KIAA0753: variants seen among roughly 807,000 people sequenced by gnomAD.
The protein encoded by KIAA0753 is protein moonraker.
Under a neutral mutation model 116.9 loss-of-function variants are expected in KIAA0753, and 114 were observed. The observed-to-expected ratio is 0.98, with a 90% CI of 0.84 to 1.14. The LOEUF (loss-of-function observed/expected upper bound fraction) is 1.14, where lower values mean the gene tolerates loss of function less well. KIAA0753 is among the 50% of genes most tolerant of loss of function. The pLI is 0.00. For synonymous variants in KIAA0753, 405 were observed against 413.1 expected (o/e 0.98, Z 0.24); for missense variants, 1,156 against 1,172.4 (o/e 0.99, Z 0.20).
chr17:6,630,488 A>C (rs1971959727), intron 2 of KIAA0753, among the ~76,000 whole-genome samples: 1 of 152,094 alleles, frequency 6.6e-6, no homozygotes, highest in Non-Finnish European at 1.5e-5. Flanking sequence ...TTAGCACAGG[A>C]AAGAAAGAAA....
chr17:6,618,631 A>G (rs986762247), intron 7 of KIAA0753, among the ~76,000 whole-genome samples: 2 of 152,342 alleles, frequency 1.3e-5, no homozygotes, highest in South Asian at 2.1e-4. Flanking sequence ...CTTACGTAGG[A>G]AAAACAGTTT....
chr17:6,602,399 T>G (rs932005992), intron 12 of KIAA0753, among the ~76,000 whole-genome samples: 6 of 152,220 alleles, frequency 3.9e-5, no homozygotes, highest in African/African-American at 1.4e-4. Flanking sequence ...ACAAACAGAA[T>G]GTGGTATATT....
chr17:6,621,058 C>T, intron 6 of KIAA0753, 60 bp from the exon 7 acceptor site: 2 of 1,514,318 alleles, frequency 1.3e-6, no homozygotes, highest in Non-Finnish European at 9.0e-7. Flanking sequence ...GACTTTTAAT[C>T]ACAAAACTGA....
In KIAA0753 at chr17:6,608,364, C is replaced by A; in HGVS notation, c.1813G>T (p.Glu605Ter). Residue 605 changes from glutamate to a stop codon, truncating the protein, a stop_gained, in exon 10 of 19, where the codon GAG becomes TAG. Transcript: ENST00000361413. LOFTEE classifies it high-confidence loss of function. ...AGCACAAACCTGGCTGCTTCATGCT[C>A]AACAGCACCTGTCAGGTGACTTTCC... The part of the protein sequence containing the change: ...QEESHLTGAV[E>*]HEAARLAWLD... The A allele has an allele frequency of 6.6e-7, 1 of 1,523,720 alleles. No individual in the cohort carries two copies. The highest frequency in any genetic ancestry group is 1.3e-5 in the South Asian group (1 of 79,366). 94.4% of individuals were successfully genotyped at this position (1,523,720 alleles called of 1,614,324 possible).
intron 3 of KIAA0753, among the ~76,000 whole-genome samples, chr17:6,626,012 T>C (rs530327568): frequency 6.6e-6 from 1 of 152,344 alleles, no homozygotes; most frequent in Admixed American, 6.5e-5. Context: ...TTAATCTTGA[T>C]TTCAAAAGAC....
chr17:6,606,428 C>T (rs1386402056), intron 12 of KIAA0753, among the ~76,000 whole-genome samples: 12 of 152,200 alleles, frequency 7.9e-5, no homozygotes, highest in Non-Finnish European at 1.8e-4. Flanking sequence ...TTAAAAAACA[C>T]TTATGGAGTG....
chr17:6,592,322 C>G (rs568542789), intron 16 of KIAA0753, among the ~76,000 whole-genome samples: 114 of 152,288 alleles, frequency 7.5e-4, no homozygotes, highest in African/African-American at 2.4e-3. Flanking sequence ...GCGACACAGG[C>G]TGCTGTGGTA....
At chr17:6,628,766 C>G (rs1333950769) in intron 2 of KIAA0753, 25 bp from the exon 3 acceptor site, 3 of 1,551,164 alleles carry the variant, frequency 1.9e-6, no homozygotes, top group Non-Finnish European at 2.6e-6. Flanking sequence ...TAAAAGTAAG[C>G]AGACATCAGA....
At chr17:6,605,758 C>T (rs1597511892) in intron 12 of KIAA0753, among the ~76,000 whole-genome samples, 1 of 152,118 alleles carries the variant, frequency 6.6e-6, no homozygotes, top group South Asian at 2.1e-4. Flanking sequence ...GAAACTTCTG[C>T]AGCAGTGGCA....
intron 7 of KIAA0753, among the ~76,000 whole-genome samples, chr17:6,620,438 A>G (rs978304309): frequency 1.0e-4 from 15 of 150,638 alleles, no homozygotes; most frequent in Admixed American, 3.3e-4. Flanking sequence ...ATATATACAC[A>G]TATATATATA....
intron 3 of KIAA0753, among the ~76,000 whole-genome samples, chr17:6,626,689 G>A (rs924988480): frequency 1.3e-5 from 2 of 152,194 alleles, no homozygotes; most frequent in Non-Finnish European, 2.9e-5. Flanking sequence ...TGAAAGGTAA[G>A]TACAGAAATT....
rs1462063836 is a variant in KIAA0753 at position 6,589,790 on chromosome 17, C to A, written c.2775G>T (p.Leu925=). ...HEAVGSFNPW[L]IAESFSEELV... is the part of the protein sequence containing the mutation. ...AACATTTTACTGACCTTTCAGCTAT[C>A]AGCCACGGGTTGAAGGAGCCTACAG... Residue 925 remains leucine (L), a synonymous_variant, in exon 18 of 19, where the codon CTG becomes CTT. Transcript: ENST00000361413. 4.4e-6 allele frequency: 7 copies of A among 1,600,922 alleles called. No homozygotes were observed. Among genetic ancestry groups the A allele is most frequent in the Non-Finnish European group, 5.9e-6 (7 of 1,176,686 alleles).
chr17:6,635,494 A>G (rs541803826), intron 1 of KIAA0753: 2 of 162,068 alleles, frequency 1.2e-5, no homozygotes, highest in East Asian at 3.6e-4. Flanking sequence ...GAGCTTTGCC[A>G]TGGTAAACTA....
chr17:6,590,807 T>C (rs961392810), intron 16 of KIAA0753, among the ~76,000 whole-genome samples, 177 bp from the exon 17 acceptor site: 2 of 152,132 alleles, frequency 1.3e-5, no homozygotes, highest in Admixed American at 6.5e-5. Flanking sequence ...TGAATTTATA[T>C]GTTACAAAGA....
At chr17:6,623,867 G>C (rs994118928) in intron 4 of KIAA0753, 1 of 274,726 alleles carries the variant, frequency 3.6e-6, no homozygotes, top group Admixed American at 5.2e-5. Context: ...GCCGGATCGT[G>C]AAGTCTTACA....
At chr17:6,582,988 CT>C (rs2150723101) in intron 18 of KIAA0753, among the ~76,000 whole-genome samples, 1 of 152,286 alleles carries the variant, frequency 6.6e-6, no homozygotes, top group East Asian at 1.9e-4. Flanking sequence ...CCAATATTCA[CT>C]TTAACCTACC....
chr17:6,623,176 T>C, intron 5 of KIAA0753, 79 bp from the exon 6 acceptor site: 1 of 1,300,516 alleles, frequency 7.7e-7, no homozygotes, highest in Non-Finnish European at 1.1e-6. Context: ...AGAATATTTA[T>C]AGCCTGTCTT....
At chr17:6,606,718 A>C (rs1462759344) in intron 12 of KIAA0753, among the ~76,000 whole-genome samples, 155 bp downstream of exon 12, 1 of 152,176 alleles carries the variant, frequency 6.6e-6, no homozygotes, top group South Asian at 2.1e-4. Flanking sequence ...ATTTCCTAGC[A>C]AAAAAATATG....
chr17:6,589,945 GA>G lies in KIAA0753; in HGVS notation c.2619del (p.Leu874SerfsTer3). On this transcript the variant is annotated frameshift_variant, in exon 18 of 19. Transcript: ENST00000361413. LOFTEE classifies it high-confidence loss of function. ...TGTTGAGAATCTTCGGCTAGGGAGA[GA>G]AGAGGGGCCTCTCTTTTCTCTGATC... is the stretch of plus-strand genomic sequence containing the variant. ...EEGSEKREAP[L>X]LSLAEDSQQK... is the part of the protein sequence containing the mutation. 1 of 1,607,678 alleles carries G rather than the reference GA, an allele frequency of 6.2e-7. No individual in the cohort carries two copies.
Sources: allele counts gnomAD v4.1 joint callset (sites outside exome capture counted in the v4.1 genomes callset), GRCh38; gene constraint gnomAD v4.1.1; transcripts MANE v1.5; gene names NCBI Gene and HGNC (gene_info 2026-07-23, HGNC 2026-07-21).